Variants in CLPB observed in about 807,000 individuals in gnomAD.
The protein encoded by CLPB is mitochondrial disaggregase.
In CLPB, 40 loss-of-function variants were observed where a neutral mutation model predicts 78.4. That is an observed-to-expected ratio of 0.51 (90% confidence interval 0.40 to 0.66). The LOEUF (loss-of-function observed/expected upper bound fraction) is 0.66, where lower values mean the gene tolerates loss of function less well. CLPB is among the 30% of genes least tolerant of loss of function. CLPB has a pLI of 0.00. For missense variants in CLPB, 780 were observed against 886.9 expected, an observed-to-expected ratio of 0.88 and a Z score of 1.53; for synonymous variants, 333 against 348.0, an observed-to-expected ratio of 0.96 and a Z score of 0.48.
intron 6 of CLPB, among the ~76,000 whole-genome samples, chr11:72,323,670 G>GT (rs1255614379): frequency 1.3e-5 from 2 of 151,630 alleles, no homozygotes; most frequent in African/African-American, 4.9e-5. Flanking sequence ...ACATCATAAC[G>GT]TTTGGACCAT....
chr11:72,433,948 C>CT, intron 1 of CLPB, 124 bp downstream of exon 1: 1 of 1,212,050 alleles, frequency 8.3e-7, no homozygotes, highest in East Asian at 2.4e-5. Context: ...CAGATGATGT[C>CT]TGAGTCCCTC....
At chr11:72,324,396 C>T (rs1325058585) in intron 6 of CLPB, among the ~76,000 whole-genome samples, 3 of 151,884 alleles carry the variant, frequency 2.0e-5, no homozygotes, top group African/African-American at 4.8e-5. Flanking sequence ...GGTGAAACCC[C>T]GTCTCTACTA....
In CLPB at chr11:72,430,318, A is replaced by G; in HGVS notation, c.449T>C (p.Val150Ala). ...GGCCTGGGGTTCAACTCACCTGCTG[A>G]CTTCTTGCATATTGTTGGCACGGGC... ...EAARANNMQEVSRLLSEGADV... is the reference protein window; with the variant it reads ...EAARANNMQEASRLLSEGADV... The change falls in exon 2 of 16, where the codon GTC becomes GCC. Residue 150 changes from valine (V) to alanine (A), a missense_variant. Around this residue, in one of 3 missense-constraint regions of CLPB, gnomAD observed 417 missense variants for 414.7 expected, o/e 1.01. Transcript: ENST00000538039. 2 of 1,613,224 alleles carry G rather than the reference A, an allele frequency of 1.2e-6. No individual in the cohort carries two copies. The highest frequency in any genetic ancestry group is 1.7e-6 in the Non-Finnish European group (2 of 1,179,826).
intron 6 of CLPB, among the ~76,000 whole-genome samples, chr11:72,319,535 G>A (rs1007335142): frequency 4.6e-5 from 7 of 152,138 alleles, no homozygotes; most frequent in African/African-American, 1.7e-4. Flanking sequence ...AATATGCTTT[G>A]CTCCAGACAG....
chr11:72,380,449 T>G, intron 3 of CLPB, 65 bp from the exon 4 acceptor site: 1 of 1,281,014 alleles, frequency 7.8e-7, no homozygotes, highest in Non-Finnish European at 1.1e-6. Context: ...CAGACCCAGA[T>G]CCGGAAGCAT....
At position 72,380,213 on chromosome 11, in the gene CLPB, C is replaced by G. The variant is rs3741161; in HGVS notation, c.646+68G>C. 2.3e-3 allele frequency: 2,841 copies of G among 1,230,438 alleles called. 110 individuals are homozygous for G. In the East Asian group the frequency reaches 0.064, roughly 28 times the overall value. The allele number at this position is 1,230,438 out of a possible 1,614,324, so 76.2% of individuals were successfully genotyped here. A position where few individuals can be genotyped will look rare whatever the true frequency, so the allele number is the denominator to read the frequency against. Reference sequence around the variant, plus strand: ...TCTGAGTTGCTGGTAGAGCTGACACCACAGAGCAAGGCTGCATGAAAGCCA... The same window carrying G: ...TCTGAGTTGCTGGTAGAGCTGACACGACAGAGCAAGGCTGCATGAAAGCCA... On this transcript the variant is annotated intron_variant, in intron 4 of 15. Coordinates refer to ENST00000538039, the MANE Select transcript of CLPB (RefSeq NM_001258392.3).
At chr11:72,380,419 C>G in intron 3 of CLPB, 35 bp from the exon 4 acceptor site, 2 of 1,560,128 alleles carry the variant, frequency 1.3e-6, no homozygotes, top group Non-Finnish European at 1.8e-6. Flanking sequence ...GTGTCAAAAG[C>G]AAGAAAGGCC....
chr11:72,424,703 G>C (rs111471911), intron 2 of CLPB, among the ~76,000 whole-genome samples: 2,867 of 152,284 alleles, frequency 0.019, 90 homozygotes, highest in African/African-American at 0.066. Context: ...TGGCTAACAT[G>C]GTGAAACCCT....
At position 72,285,558 on chromosome 11, in the gene CLPB, T is replaced by C. The variant is rs548082223; in HGVS notation, c.*7809A>G. The C allele has an allele frequency of 6.6e-6, 1 of 152,370 alleles. No individual in the cohort carries two copies. The highest frequency in any genetic ancestry group is 1.9e-4 in the East Asian group (1 of 5,196). 9.4% of individuals were successfully genotyped at this position (152,370 alleles called of 1,614,324 possible). A position where few individuals can be genotyped will look rare whatever the true frequency, so the allele number is the denominator to read the frequency against. On this transcript the variant is annotated 3_prime_UTR_variant, in exon 16 of 16. Coordinates refer to ENST00000538039, the MANE Select transcript of CLPB (RefSeq NM_001258392.3). ...ATATTAAGAAATGTATATTTTAGTA[T>C]TAAATCATCCTTTCTAAAACTTGAT...
At chr11:72,333,209 CT>C (rs1357770541) in intron 5 of CLPB, among the ~76,000 whole-genome samples, 1 of 150,734 alleles carries the variant, frequency 6.6e-6, no homozygotes, top group Admixed American at 6.6e-5. Context: ...CAATATACCC[CT>C]GATGAAAAAG....
At chr11:72,334,832 G>A (rs1950291080) in intron 5 of CLPB, among the ~76,000 whole-genome samples, 1 of 152,242 alleles carries the variant, frequency 6.6e-6, no homozygotes, top group African/African-American at 2.4e-5. Flanking sequence ...CCCAGGCAGT[G>A]TGGTACAGGA....
At chr11:72,353,506 G>C (rs571979475) in intron 5 of CLPB, among the ~76,000 whole-genome samples, 1 of 152,314 alleles carries the variant, frequency 6.6e-6, no homozygotes, top group Admixed American at 6.5e-5. Flanking sequence ...AGACCAAAAA[G>C]TAAAGACACC....
At chr11:72,323,479 A>G (rs1204539668) in intron 6 of CLPB, among the ~76,000 whole-genome samples, 1 of 150,990 alleles carries the variant, frequency 6.6e-6, no homozygotes, top group Non-Finnish European at 1.5e-5. Flanking sequence ...AGGCAGGAGA[A>G]TTGCTTGAAC....
intron 11 of CLPB, among the ~76,000 whole-genome samples, chr11:72,301,458 T>C (rs1949653475): frequency 6.6e-6 from 1 of 152,192 alleles, no homozygotes; most frequent in Non-Finnish European, 1.5e-5. Flanking sequence ...TGCCTAGAGA[T>C]GGGCAGTGAC....
chr11:72,416,038 A>G (rs1856012537), intron 2 of CLPB, among the ~76,000 whole-genome samples: 1 of 152,262 alleles, frequency 6.6e-6, no homozygotes, highest in Non-Finnish European at 1.5e-5. Flanking sequence ...ATGTAGTCCT[A>G]GAAGACAGAG....
rs771786059 is a variant in CLPB at position 72,402,977 on chromosome 11, G to A, written c.531C>T (p.Asn177=). 3.3e-5 allele frequency: 53 copies of A among 1,613,774 alleles called. No individual in the cohort carries two copies. The highest frequency in any genetic ancestry group is 4.1e-5 in the Non-Finnish European group (48 of 1,179,988). Residue 177 remains asparagine (N), a synonymous_variant, in exon 3 of 16, where the codon AAC becomes AAT. Transcript: ENST00000538039. ...GWTALMVAAI[N]RNNSVVQVLL... ...AGGTGGTCTCTCACCTGTTGTTTCGGTTGATGGCTGCCACCATGAGTGCTG... is the reference window on the plus strand; with the variant it reads ...AGGTGGTCTCTCACCTGTTGTTTCGATTGATGGCTGCCACCATGAGTGCTG...
rs1949483742 is a variant in CLPB, at chr11:72,293,341, G to A, written c.*26C>T. 1.2e-6 allele frequency: 2 copies of A among 1,607,524 alleles called. No individual in the cohort carries two copies. The highest frequency in any genetic ancestry group is 1.7e-6 in the Non-Finnish European group (2 of 1,175,440). ...CAAGGGGCCTTTATTGGATGGTGAG[G>A]GCACATAGGAGCAGGCAGGTGGCTG... On this transcript the variant is annotated 3_prime_UTR_variant, in exon 16 of 16. Transcript: ENST00000538039.
At position 72,290,499 on chromosome 11, in the gene CLPB, A is replaced by G. The variant is rs745909045; in HGVS notation, c.*2868T>C. The G allele has an allele frequency of 1.7e-4, 26 of 152,248 alleles. No homozygotes were observed. Among genetic ancestry groups the G allele is most frequent in the Non-Finnish European group, 3.1e-4 (21 of 68,032 alleles). 9.4% of individuals were successfully genotyped at this position (152,248 alleles called of 1,614,324 possible). A position where few individuals can be genotyped will look rare whatever the true frequency, so the allele number is the denominator to read the frequency against. On this transcript the variant is annotated 3_prime_UTR_variant, in exon 16 of 16. Coordinates refer to ENST00000538039, the MANE Select transcript of CLPB (RefSeq NM_001258392.3). Reference sequence around the variant, plus strand: ...TACCTGTTATAAGCAAGAATCATTGATGATGGAAATGAAAATCAGTAGGCA... The same window carrying G: ...TACCTGTTATAAGCAAGAATCATTGGTGATGGAAATGAAAATCAGTAGGCA...
chr11:72,314,337 G>A (rs1438006693), intron 7 of CLPB, among the ~76,000 whole-genome samples: 2 of 152,176 alleles, frequency 1.3e-5, no homozygotes, highest in Non-Finnish European at 2.9e-5. Context: ...CTGCCCAGGA[G>A]AGGCTTCTTA....
Sources: allele counts gnomAD v4.1 joint callset (sites outside exome capture counted in the v4.1 genomes callset), GRCh38; gene constraint gnomAD v4.1.1; regional missense constraint gnomAD v4.1.1; transcripts MANE v1.5; gene names NCBI Gene and HGNC (gene_info 2026-07-23, HGNC 2026-07-21).